The following ICA1L variants were observed in gnomAD, a reference collection of about 807,000 sequenced individuals.
The protein encoded by ICA1L is islet cell autoantigen 1-like protein.
ICA1L carries 50 observed loss-of-function variants against 61.3 expected under a neutral mutation model. The ratio of observed to expected loss-of-function variants is 0.82; its 90% CI spans 0.65 to 1.03. The LOEUF is 1.03. ICA1L is among the 50% of genes least tolerant of loss of function. ICA1L has a pLI of 0.00. For missense variants in ICA1L, 508 were observed against 556.7 expected, an observed-to-expected ratio of 0.91 and a Z score of 0.88; for synonymous variants, 161 against 191.3, an observed-to-expected ratio of 0.84 and a Z score of 1.31.
At chr2:202,869,294 C>T (rs1463737373) in intron 1 of ICA1L, among the ~76,000 whole-genome samples, 2 of 151,808 alleles carry the variant, frequency 1.3e-5, no homozygotes, top group East Asian at 3.9e-4. Context: ...GGAGGCGGAG[C>T]TTGCAGTGAG....
intron 12 of ICA1L, among the ~76,000 whole-genome samples, chr2:202,780,363 A>AACTT (rs1324987543): frequency 6.6e-6 from 1 of 152,210 alleles, no homozygotes; most frequent in African/African-American, 2.4e-5. Context: ...TCTCAGGTAC[A>AACTT]ACTTCTTGTT....
intron 10 of ICA1L, among the ~76,000 whole-genome samples, chr2:202,794,780 C>T (rs1011958624): frequency 6.6e-5 from 10 of 151,576 alleles, no homozygotes; most frequent in African/African-American, 1.5e-4. Flanking sequence ...AAATAAACAA[C>T]GGGAAGTGTT....
chr2:202,849,019 C>T lies in ICA1L; in HGVS notation c.-7-20003G>A, dbSNP rs1336794420. ...GAAGCAGGGTGGGGCGTTGCCTCAT[C>T]CAGGAAGTGCAAGGAGCTGGGGCCC... On this transcript the variant is annotated intron_variant, in intron 1 of 12. Coordinates refer to ENST00000358299, the MANE Select transcript of ICA1L (RefSeq NM_001288622.3). This position sits in a 1 kb window ranked among gnomAD's most constrained non-coding sequence, Gnocchi z 4.5. Among the ~76,000 whole-genome samples, 1 of 151,996 alleles carries T rather than the reference C, an allele frequency of 6.6e-6. No individual in the cohort carries two copies. Among genetic ancestry groups the T allele is most frequent in the African/African-American group, 2.4e-5 (1 of 41,392 alleles).
chr2:202,783,380 A>C (rs534850413), intron 12 of ICA1L, among the ~76,000 whole-genome samples: 6 of 152,360 alleles, frequency 3.9e-5, no homozygotes, highest in East Asian at 3.9e-4. Context: ...ATCAGGCTTA[A>C]CATCACCAGA....
chr2:202,828,762 T>C (rs140155755), intron 2 of ICA1L, 86 bp downstream of exon 2: 51 of 1,058,388 alleles, frequency 4.8e-5, no homozygotes, highest in Non-Finnish European at 6.9e-5. Flanking sequence ...CCTCATAAAC[T>C]CTCCAGTGTG....
At chr2:202,800,171 G>A (rs563288180) in intron 9 of ICA1L, among the ~76,000 whole-genome samples, 4 of 151,958 alleles carry the variant, frequency 2.6e-5, no homozygotes, top group Non-Finnish European at 5.9e-5. Context: ...GTGAGCCACC[G>A]CGCCTGGCCT....
intron 9 of ICA1L, 43 bp downstream of exon 9, chr2:202,811,703 T>A: frequency 1.6e-6 from 2 of 1,216,622 alleles, no homozygotes; most frequent in Non-Finnish European, 2.4e-6. Flanking sequence ...TATTTTGACA[T>A]TTAAAATGTG....
chr2:202,779,806 T>G (rs1409631584), intron 12 of ICA1L, among the ~76,000 whole-genome samples, 158 bp from the exon 13 acceptor site: 6 of 151,612 alleles, frequency 4.0e-5, no homozygotes, highest in South Asian at 2.1e-4. Flanking sequence ...AAGATTTTTT[T>G]TTTTTTTTTT....
At chr2:202,780,652 C>T (rs770331285) in intron 12 of ICA1L, among the ~76,000 whole-genome samples, 1 of 152,134 alleles carries the variant, frequency 6.6e-6, no homozygotes, top group Non-Finnish European at 1.5e-5. Flanking sequence ...CAAGGCAATC[C>T]TCTTTCACAT....
chr2:202,819,909 G>A lies in ICA1L; in HGVS notation c.360-10C>T, dbSNP rs777497561. On this transcript the variant is annotated splice_polypyrimidine_tract_variant and intron_variant, in intron 4 of 12. Transcript: ENST00000358299. Reference sequence around the variant, plus strand: ...AGTACACAGGGCCAATCTAATGGCAGAGAGGTAAAAATCAGAGGGTTGAAC... The same window carrying A: ...AGTACACAGGGCCAATCTAATGGCAAAGAGGTAAAAATCAGAGGGTTGAAC... 2.4e-5 allele frequency: 39 copies of A among 1,608,846 alleles called. 1 individual carries two copies. The Admixed American group carries it at 5.9e-4, about 24-fold the overall frequency.
chr2:202,835,078 A>G (rs1033331067), intron 1 of ICA1L, among the ~76,000 whole-genome samples: 2 of 152,066 alleles, frequency 1.3e-5, no homozygotes, highest in African/African-American at 2.4e-5. Flanking sequence ...TAAAAATTGT[A>G]TATATTTATA....
chr2:202,851,662 T>A (rs2105881207), intron 1 of ICA1L, among the ~76,000 whole-genome samples: 1 of 152,316 alleles, frequency 6.6e-6, no homozygotes, highest in South Asian at 2.1e-4. Context: ...CTGCATCCTC[T>A]CCAGCACCTG....
At chr2:202,811,118 C>T (rs1255641883) in intron 9 of ICA1L, among the ~76,000 whole-genome samples, 1 of 152,132 alleles carries the variant, frequency 6.6e-6, no homozygotes, top group Non-Finnish European at 1.5e-5. Context: ...CACTCCCTCC[C>T]CTTTTGAAAA....
intron 9 of ICA1L, among the ~76,000 whole-genome samples, chr2:202,804,260 G>A (rs187863697): frequency 5.9e-4 from 90 of 152,082 alleles, no homozygotes; most frequent in African/African-American, 2.1e-3. Flanking sequence ...ATTTTAAACC[G>A]TTAGCCAATC....
intron 10 of ICA1L, among the ~76,000 whole-genome samples, chr2:202,793,296 TAGAG>T (rs568659518): frequency 6.6e-6 from 1 of 151,792 alleles, no homozygotes; most frequent in Non-Finnish European, 1.5e-5. Flanking sequence ...CTGATTTCTA[TAGAG>T]AGAGACAAAA....
chr2:202,846,250 TTC>T (rs1170924920), intron 1 of ICA1L, among the ~76,000 whole-genome samples: 1 of 151,166 alleles, frequency 6.6e-6, no homozygotes, highest in African/African-American at 2.4e-5. Context: ...TGGTTTTTCT[TTC>T]TTTCTTTTTT....
At position 202,817,513 on chromosome 2, in the gene ICA1L, A is replaced by C. The variant is rs1237531382; in HGVS notation, c.589T>G (p.Ser197Ala). Residue 197 changes from serine to alanine, a missense_variant, in exon 6 of 13, where the codon TCT becomes GCT. Physicochemically the swap from Ser to Ala is moderately conservative, Grantham distance 99. Coordinates refer to ENST00000358299, the MANE Select transcript of ICA1L (RefSeq NM_001288622.3). ...VQMQVRNSKA[S>A]FDKLKMDVCQ... ...ACATCCATCTTTAACTTGTCAAAAGAAGCTTTGCTATTTCTCACTTGCATC... is the reference window on the plus strand; with the variant it reads ...ACATCCATCTTTAACTTGTCAAAAGCAGCTTTGCTATTTCTCACTTGCATC... 1.9e-6 allele frequency: 3 copies of C among 1,610,088 alleles called. No homozygotes were observed. The highest frequency in any genetic ancestry group is 2.2e-5 in the East Asian group (1 of 44,742).
chr2:202,785,789 A>G (rs948864969), intron 12 of ICA1L, 129 bp downstream of exon 12: 12 of 543,730 alleles, frequency 2.2e-5, no homozygotes, highest in Non-Finnish European at 3.8e-5. Flanking sequence ...TTTCATTTTA[A>G]TAATAATCAT....
intron 1 of ICA1L, among the ~76,000 whole-genome samples, chr2:202,851,111 T>G (rs1289262384): frequency 6.6e-6 from 1 of 152,100 alleles, no homozygotes; most frequent in East Asian, 1.9e-4. Flanking sequence ...GCTGCACCCA[T>G]TAACTCATCA....
Sources: allele counts gnomAD v4.1 joint callset (sites outside exome capture counted in the v4.1 genomes callset), GRCh38; gene constraint gnomAD v4.1.1; non-coding constraint Gnocchi (gnomAD v3.1); transcripts MANE v1.5; gene names NCBI Gene and HGNC (gene_info 2026-07-23, HGNC 2026-07-21).